Variants in UNC5C observed in about 807,000 individuals in gnomAD.
UNC5C encodes the protein netrin receptor UNC5C.
A neutral mutation model predicts 99.8 loss-of-function variants in UNC5C; 47 were observed. The ratio of observed to expected loss-of-function variants is 0.47; its 90% CI spans 0.37 to 0.60. The LOEUF is 0.60. Ranked by LOEUF, UNC5C falls within the 20% of genes least tolerant of loss-of-function variation. The probability of loss-of-function intolerance (pLI) is 0.00; values close to 1 mark genes in which losing one functional copy is unlikely to be tolerated. For missense variants in UNC5C, 1,062 were observed against 1,165.9 expected, an observed-to-expected ratio of 0.91 and a Z score of 1.30; for synonymous variants, 487 against 452.2, an observed-to-expected ratio of 1.08 and a Z score of -0.98.
At position 95,524,535 on chromosome 4, in the gene UNC5C, T is replaced by C. The variant is rs1029330582; in HGVS notation, c.124+24199A>G. Among the ~76,000 whole-genome samples, 11 of 152,172 alleles carry C rather than the reference T, an allele frequency of 7.2e-5. No individual in the cohort carries two copies. The South Asian group carries it at 2.1e-3, about 29-fold the overall frequency. ...ATAAAAATTGAGATCTGGGTTTTCT[T>C]GGAAAACTGGAAGCTGCCACCATAT... On this transcript the variant is annotated intron_variant, in intron 1 of 15. Coordinates refer to ENST00000453304, the MANE Select transcript of UNC5C (RefSeq NM_003728.4).
intron 1 of UNC5C, among the ~76,000 whole-genome samples, chr4:95,477,634 G>A (rs1039775420): frequency 6.6e-6 from 1 of 151,974 alleles, no homozygotes; most frequent in Non-Finnish European, 1.5e-5. Flanking sequence ...TCACCCAGCA[G>A]CCTTATAAAA....
chr4:95,390,391 C>CAAAAAAAAAA (rs35804362), intron 1 of UNC5C, among the ~76,000 whole-genome samples: 1 of 147,244 alleles, frequency 6.8e-6, no homozygotes, highest in Non-Finnish European at 1.5e-5. Flanking sequence ...TCCACATTTC[C>CAAAAAAAAAA]AAAAAAAAAA....
intron 3 of UNC5C, among the ~76,000 whole-genome samples, chr4:95,297,248 C>T (rs1741698370): frequency 6.6e-6 from 1 of 152,132 alleles, no homozygotes; most frequent in Non-Finnish European, 1.5e-5. Context: ...TATCCTAGTA[C>T]CCTTAGCATA....
chr4:95,394,527 T>C (rs1050627545), intron 1 of UNC5C, among the ~76,000 whole-genome samples: 1 of 152,144 alleles, frequency 6.6e-6, no homozygotes, highest in African/African-American at 2.4e-5. Flanking sequence ...AGATAAGATA[T>C]GAATTGGGTG....
intron 1 of UNC5C, among the ~76,000 whole-genome samples, chr4:95,470,094 T>G (rs1747919656): frequency 6.6e-6 from 1 of 152,140 alleles, no homozygotes; most frequent in African/African-American, 2.4e-5. Context: ...TTTTGATATA[T>G]TTTATGTTTT....
At chr4:95,223,808 T>C (rs1256643191) in intron 7 of UNC5C, among the ~76,000 whole-genome samples, 1 of 152,122 alleles carries the variant, frequency 6.6e-6, no homozygotes, top group Non-Finnish European at 1.5e-5. Context: ...ACCCAAAGAC[T>C]TAACACAAAA....
intron 1 of UNC5C, among the ~76,000 whole-genome samples, chr4:95,484,995 C>T (rs1015849326): frequency 6.6e-6 from 1 of 151,770 alleles, no homozygotes; most frequent in African/African-American, 2.4e-5. Flanking sequence ...ATAATCTATC[C>T]AAGCATATAT....
intron 1 of UNC5C, among the ~76,000 whole-genome samples, chr4:95,428,189 T>C (rs1386708288): frequency 6.6e-6 from 1 of 152,048 alleles, no homozygotes; most frequent in Admixed American, 6.6e-5. Flanking sequence ...GCAATCAGTG[T>C]CCATGCATCC....
intron 11 of UNC5C, among the ~76,000 whole-genome samples, chr4:95,204,735 G>A (rs1056871725): frequency 6.6e-6 from 1 of 152,202 alleles, no homozygotes; most frequent in Non-Finnish European, 1.5e-5. Context: ...ATTCCAGTGG[G>A]CCTGGCTCAG....
intron 8 of UNC5C, 84 bp downstream of exon 8, chr4:95,219,901 C>T (rs1738403989): frequency 5.0e-6 from 7 of 1,414,048 alleles, no homozygotes; most frequent in Non-Finnish European, 6.7e-6. Flanking sequence ...TACATTCTAG[C>T]TGAATGAGAT....
rs1741006763 is a variant in UNC5C, at chr4:95,280,231, GT to G, written c.491-1870del. Among the ~76,000 whole-genome samples, 3 of 152,144 alleles carry G rather than the reference GT, an allele frequency of 2.0e-5. No individual in the cohort carries two copies. In the South Asian group the frequency reaches 6.2e-4, roughly 32 times the overall value. ...TGCATTGTTACACATTTGCCATATT[GT>G]TGAATTTCTCAGCAGAAGAAAACCC... On this transcript the variant is annotated intron_variant, in intron 3 of 15. Coordinates refer to ENST00000453304, the MANE Select transcript of UNC5C (RefSeq NM_003728.4).
chr4:95,369,699 ATACCGT>A (rs1223806972), intron 1 of UNC5C, among the ~76,000 whole-genome samples: 1 of 152,198 alleles, frequency 6.6e-6, no homozygotes, highest in African/African-American at 2.4e-5. Context: ...AATACCATTG[ATACCGT>A]TATCAATGGT....
chr4:95,244,997 G>T lies in UNC5C; in HGVS notation c.923C>A (p.Ala308Asp). The T allele has an allele frequency of 6.2e-7, 1 of 1,613,890 alleles. No individual in the cohort carries two copies. The highest frequency in any genetic ancestry group is 1.1e-5 in the South Asian group (1 of 91,014). The part of the protein sequence containing the change: ...FCEGQSVQKI[A>D]CTTLCPVDGR... ...TTTACCTGGGCATAACGTAGTACAG[G>T]CTATTTTCTGCACACTCTGCCCTTC... is the stretch of plus-strand genomic sequence containing the variant. Residue 308 changes from alanine to aspartate, a missense_variant, in exon 6 of 16, where the codon GCC (alanine) becomes GAC (aspartate). Coordinates refer to ENST00000453304, the MANE Select transcript of UNC5C (RefSeq NM_003728.4).
chr4:95,203,212 C>T (rs1180965755), intron 11 of UNC5C, among the ~76,000 whole-genome samples: 1 of 152,110 alleles, frequency 6.6e-6, no homozygotes, highest in Non-Finnish European at 1.5e-5. Flanking sequence ...TACATTTTCC[C>T]TAAAAATCTG....
chr4:95,538,179 A>G (rs1385668), intron 1 of UNC5C, among the ~76,000 whole-genome samples: 106,855 of 152,078 alleles, frequency 0.7, 37,960 homozygotes, highest in Middle Eastern at 0.81. Context: ...AGTTTTAGGG[A>G]AAAAAATTAT....
intron 2 of UNC5C, among the ~76,000 whole-genome samples, chr4:95,307,320 A>G (rs576685331): frequency 6.6e-6 from 1 of 152,230 alleles, no homozygotes; most frequent in Admixed American, 6.5e-5. Context: ...TGCAAGTGGG[A>G]ATTGCAACTT....
rs560620489 is a variant in UNC5C at position 95,206,042 on chromosome 4, C to A, written c.1902+586G>T. ...TTGAGATGGAATCTTACTCTGTTGC[C>A]CAAGCTGGAGTGCAGTGGTGCGATC... On this transcript the variant is annotated intron_variant, in intron 11 of 15. Transcript: ENST00000453304. 5.3e-5 allele frequency among the ~76,000 whole-genome samples: 8 copies of A among 151,260 alleles called. No homozygotes were observed. In the East Asian group the frequency reaches 1.6e-3, roughly 29 times the overall value.
At chr4:95,497,515 T>C (rs547472374) in intron 1 of UNC5C, among the ~76,000 whole-genome samples, 19 of 152,086 alleles carry the variant, frequency 1.2e-4, no homozygotes, top group African/African-American at 4.3e-4. Flanking sequence ...GGGCAATCAC[T>C]GTGCTGGTCT....
intron 4 of UNC5C, among the ~76,000 whole-genome samples, chr4:95,274,594 C>T (rs1187238771): frequency 6.6e-6 from 1 of 151,546 alleles, no homozygotes; most frequent in Non-Finnish European, 1.5e-5. Context: ...CTTACTTTGT[C>T]ACACTCTTTC....
Sources: allele counts gnomAD v4.1 joint callset (sites outside exome capture counted in the v4.1 genomes callset), GRCh38; gene constraint gnomAD v4.1.1; transcripts MANE v1.5; gene names NCBI Gene and HGNC (gene_info 2026-07-23, HGNC 2026-07-21).